Variants in NPAS3 observed in about 807,000 individuals in gnomAD.
The protein encoded by NPAS3 is neuronal PAS domain protein 3.
NPAS3 carries 14 observed loss-of-function variants against 73.1 expected under a neutral mutation model. The ratio of observed to expected loss-of-function variants is 0.19; its 90% confidence interval spans 0.13 to 0.30. NPAS3 has a LOEUF of 0.30. Ranked by LOEUF, NPAS3 falls within the 10% of genes least tolerant of loss-of-function variation. The pLI, the probability that NPAS3 is intolerant of heterozygous loss-of-function variation, is 1.00. For synonymous variants in NPAS3, 620 were observed against 541.5 expected (o/e 1.14, Z -2.01); for missense variants, 1,096 against 1,250.0 (o/e 0.88, Z 1.86).
At chr14:33,707,227 A>G (rs186824570) in intron 6 of NPAS3, among the ~76,000 whole-genome samples, 1 of 152,330 alleles carries the variant, frequency 6.6e-6, no homozygotes, top group Non-Finnish European at 1.5e-5. Flanking sequence ...TTGAGCTGCA[A>G]AACAAAATTG....
intron 4 of NPAS3, among the ~76,000 whole-genome samples, chr14:33,496,517 T>A (rs1206459780): frequency 6.6e-6 from 1 of 152,164 alleles, no homozygotes; most frequent in Non-Finnish European, 1.5e-5. Context: ...CAAGTCGGCT[T>A]CATCCCTGGG....
intron 5 of NPAS3, among the ~76,000 whole-genome samples, chr14:33,643,386 A>T (rs1221195186): frequency 4.1e-5 from 6 of 146,772 alleles, no homozygotes; most frequent in African/African-American, 1.5e-4. Flanking sequence ...AAAAAAAAAA[A>T]AAAAAAAAAA....
At chr14:33,655,220 T>C (rs2059110413) in intron 5 of NPAS3, among the ~76,000 whole-genome samples, 1 of 152,070 alleles carries the variant, frequency 6.6e-6, no homozygotes, top group South Asian at 2.1e-4. Context: ...ACTACCTGCA[T>C]AGCCCTCAGG....
intron 7 of NPAS3, among the ~76,000 whole-genome samples, chr14:33,771,593 C>T (rs898880654): frequency 2.0e-5 from 3 of 152,174 alleles, no homozygotes; most frequent in Non-Finnish European, 4.4e-5. Flanking sequence ...AGGAGGATCA[C>T]GAGATCAGGA....
At chr14:33,294,079 A>G (rs1381080546) in intron 3 of NPAS3, among the ~76,000 whole-genome samples, 1 of 152,200 alleles carries the variant, frequency 6.6e-6, no homozygotes, top group African/African-American at 2.4e-5. Context: ...ATTTTGTGCA[A>G]CTGAGGAGGG....
chr14:33,067,787 T>C (rs1034026372), intron 2 of NPAS3, among the ~76,000 whole-genome samples: 1 of 152,218 alleles, frequency 6.6e-6, no homozygotes, highest in African/African-American at 2.4e-5. Context: ...AGTGCCACCA[T>C]TACTCCAAAA....
chr14:33,117,278 G>A (rs1037789499), intron 2 of NPAS3, among the ~76,000 whole-genome samples: 1 of 151,730 alleles, frequency 6.6e-6, no homozygotes, highest in African/African-American at 2.4e-5. Context: ...ACGGCTAGAG[G>A]GGATTTGACT....
intron 1 of NPAS3, among the ~76,000 whole-genome samples, chr14:33,046,285 T>C (rs1237494111): frequency 3.3e-5 from 5 of 151,698 alleles, no homozygotes; most frequent in Admixed American, 2.6e-4. Flanking sequence ...TATGAAAAAA[T>C]GGTGATGTGT....
chr14:32,944,131 C>T (rs1417809675), intron 1 of NPAS3, among the ~76,000 whole-genome samples: 1 of 152,148 alleles, frequency 6.6e-6, no homozygotes, highest in Admixed American at 6.5e-5. Context: ...TTCTACAATT[C>T]TAGTAAACCT....
intron 4 of NPAS3, among the ~76,000 whole-genome samples, chr14:33,424,738 G>C (rs77185555): frequency 6.6e-5 from 10 of 151,664 alleles, no homozygotes; most frequent in South Asian, 2.1e-4. Context: ...GTGTTAGAAG[G>C]GGGTGGGAAT....
intron 3 of NPAS3, among the ~76,000 whole-genome samples, chr14:33,296,505 G>A (rs68122681): frequency 0.25 from 37,974 of 152,118 alleles, 5,209 homozygotes; most frequent in Middle Eastern, 0.35. Context: ...ATTAAGCCCA[G>A]TAGAGTTGTG....
chr14:33,803,687 C>A (rs2063766284), downstream of NPAS3: 1 of 136,952 alleles, frequency 7.3e-6, no homozygotes. Context: ...TGTCTAAATT[C>A]ATAGTGTTGA....
intron 1 of NPAS3, among the ~76,000 whole-genome samples, chr14:32,980,777 T>C (rs966536532): frequency 6.6e-6 from 1 of 152,164 alleles, no homozygotes; most frequent in Admixed American, 6.5e-5. Flanking sequence ...TCACGGAACA[T>C]TGGTTTCTAT....
At chr14:33,270,107 G>A (rs956153010) in intron 3 of NPAS3, among the ~76,000 whole-genome samples, 4 of 152,080 alleles carry the variant, frequency 2.6e-5, no homozygotes, top group Non-Finnish European at 1.5e-5. Context: ...TGGAATTAAG[G>A]AAAGCGGTTG....
At chr14:33,448,413 AT>A (rs1308415630) in intron 4 of NPAS3, among the ~76,000 whole-genome samples, 5 of 152,200 alleles carry the variant, frequency 3.3e-5, no homozygotes, top group African/African-American at 1.2e-4. Flanking sequence ...AAGATTGGAA[AT>A]GGCAACTGCA....
chr14:33,765,875 C>T (rs2062447198), intron 7 of NPAS3, among the ~76,000 whole-genome samples: 1 of 152,094 alleles, frequency 6.6e-6, no homozygotes. Context: ...TTCCCAGGCC[C>T]CTGTGTCGAT....
chr14:33,289,454 G>C (rs1179923126), intron 3 of NPAS3, among the ~76,000 whole-genome samples: 4 of 151,982 alleles, frequency 2.6e-5, no homozygotes, highest in Non-Finnish European at 5.9e-5. Flanking sequence ...TCTATCCTTG[G>C]CCCTTTTAAA....
At chr14:33,465,477 A>T (rs1214042427) in intron 4 of NPAS3, among the ~76,000 whole-genome samples, 1 of 152,184 alleles carries the variant, frequency 6.6e-6, no homozygotes, top group Non-Finnish European at 1.5e-5. Context: ...TTCAAGCATG[A>T]TGTTTAGTGT....
At chr14:33,609,500 T>C (rs1400890042) in intron 5 of NPAS3, among the ~76,000 whole-genome samples, 1 of 151,906 alleles carries the variant, frequency 6.6e-6, no homozygotes, top group Non-Finnish European at 1.5e-5. Context: ...TAGGTTCCTG[T>C]CTTAATTCAT....
Sources: allele counts gnomAD v4.1 joint callset (sites outside exome capture counted in the v4.1 genomes callset), GRCh38; gene constraint gnomAD v4.1.1; transcripts MANE v1.5; gene names NCBI Gene and HGNC (gene_info 2026-07-23, HGNC 2026-07-21).